Variants in LPP observed in about 807,000 individuals in gnomAD.
The protein encoded by LPP is lipoma-preferred partner.
LPP carries 38 observed loss-of-function variants against 60.4 expected under a neutral mutation model. The observed-to-expected ratio is 0.63, with a 90% CI of 0.49 to 0.83. The LOEUF (loss-of-function observed/expected upper bound fraction) is 0.83. LPP is among the 40% of genes least tolerant of loss of function. The probability of loss-of-function intolerance (pLI) is 0.00; values close to 1 mark genes in which losing one functional copy is unlikely to be tolerated. For missense variants in LPP, 902 were observed against 783.6 expected, an observed-to-expected ratio of 1.15 and a Z score of -1.80; for synonymous variants, 328 against 290.8, an observed-to-expected ratio of 1.13 and a Z score of -1.30.
At chr3:188,244,668 TG>T (rs533844922) in intron 2 of LPP, among the ~76,000 whole-genome samples, 67 of 152,174 alleles carry the variant, frequency 4.4e-4, no homozygotes, top group Non-Finnish European at 8.7e-4. Context: ...AAAGTATGAT[TG>T]TTTGTTGTAG....
At chr3:188,857,151 G>T (rs1323683228) in intron 9 of LPP, among the ~76,000 whole-genome samples, 1 of 152,124 alleles carries the variant, frequency 6.6e-6, no homozygotes, top group Non-Finnish European at 1.5e-5. Flanking sequence ...AGGCAAATCA[G>T]CTTCACAAAA....
intron 7 of LPP, among the ~76,000 whole-genome samples, chr3:188,627,779 C>T (rs911827490): frequency 1.3e-5 from 2 of 152,112 alleles, no homozygotes; most frequent in South Asian, 4.1e-4. Context: ...GAGACATCTA[C>T]AGAATATTTC....
intron 7 of LPP, among the ~76,000 whole-genome samples, chr3:188,653,829 G>A (rs146448033): frequency 0.013 from 1,928 of 152,244 alleles, 32 homozygotes; most frequent in Non-Finnish European, 0.014. Context: ...AGATTGGCTA[G>A]GATCTGCTTA....
At chr3:188,365,948 A>C (rs1771030163) in intron 3 of LPP, among the ~76,000 whole-genome samples, 1 of 152,152 alleles carries the variant, frequency 6.6e-6, no homozygotes, top group Non-Finnish European at 1.5e-5. Context: ...CAAGTGTACA[A>C]TACAGTATTA....
chr3:188,477,350 G>A (rs758423683), intron 4 of LPP, among the ~76,000 whole-genome samples: 6 of 152,210 alleles, frequency 3.9e-5, no homozygotes, highest in Non-Finnish European at 7.3e-5. Flanking sequence ...AGCTGGATCA[G>A]TCAAATTAAT....
chr3:188,884,881 CA>C lies in LPP; in HGVS notation c.*10405del. ...TCCATGAGCTAACAATGTCTGAAAA[CA>C]AATGTTATGGAACTGTTGGCATTTC... is the stretch of plus-strand genomic sequence containing the variant. On this transcript the variant is annotated 3_prime_UTR_variant, in exon 12 of 12. Coordinates refer to ENST00000617246, the MANE Select transcript of LPP (RefSeq NM_001375462.1). The C allele has an allele frequency of 4.4e-6, 1 of 224,756 alleles. No homozygotes were observed. 13.9% of individuals were successfully genotyped at this position (224,756 alleles called of 1,614,324 possible). A position where few individuals can be genotyped will look rare whatever the true frequency, so the allele number is the denominator to read the frequency against.
chr3:188,297,922 A>G lies in LPP; in HGVS notation c.-66-43741A>G, dbSNP rs147843796. Among the ~76,000 whole-genome samples, 379 of 152,324 alleles carry G rather than the reference A, an allele frequency of 2.5e-3. 2 individuals are homozygous for G. The highest frequency in any genetic ancestry group is 0.011 in the South Asian group (53 of 4,824). ...ATGTAGTAGCCATGATGGATTATGT[A>G]TCTTTGAATTGGGAGCCTATGACAA... On this transcript the variant is annotated intron_variant, in intron 2 of 11. Transcript: ENST00000617246.
intron 3 of LPP, among the ~76,000 whole-genome samples, chr3:188,346,507 AC>A (rs1301506922): frequency 1.3e-5 from 2 of 149,048 alleles, no homozygotes; most frequent in African/African-American, 5.0e-5. Flanking sequence ...TCAGGAGTCC[AC>A]CCGCCTCGGC....
chr3:188,862,085 C>T (rs1765327804), intron 9 of LPP, among the ~76,000 whole-genome samples: 1 of 152,182 alleles, frequency 6.6e-6, no homozygotes, highest in Non-Finnish European at 1.5e-5. Flanking sequence ...GGCAAGGATG[C>T]TTACTATTGT....
At chr3:188,207,057 T>C (rs905478010) in intron 1 of LPP, among the ~76,000 whole-genome samples, 18 of 151,476 alleles carry the variant, frequency 1.2e-4, no homozygotes, top group African/African-American at 4.1e-4. Context: ...AGGAACACTC[T>C]GCTTTTATTA....
chr3:188,360,320 A>G (rs150545164), intron 3 of LPP, among the ~76,000 whole-genome samples: 114 of 152,282 alleles, frequency 7.5e-4, no homozygotes, highest in Non-Finnish European at 1.4e-3. Flanking sequence ...GCTTATGTTT[A>G]TTAGCACTTC....
rs550644305 is a variant in LPP at position 188,263,316 on chromosome 3, T to A, written c.-67+37789T>A. ...AGTTGATTCATCACTTAAGCGCTAA[T>A]CCATTCACCAGCTCCAGTCAGACTT... On this transcript the variant is annotated intron_variant, in intron 2 of 11. Transcript: ENST00000617246. 3.3e-5 allele frequency among the ~76,000 whole-genome samples: 5 copies of A among 152,312 alleles called. No homozygotes were observed. The South Asian group carries it at 1.0e-3, about 32-fold the overall frequency.
chr3:188,500,676 A>G (rs1811564546), intron 5 of LPP, among the ~76,000 whole-genome samples: 1 of 152,160 alleles, frequency 6.6e-6, no homozygotes, highest in Non-Finnish European at 1.5e-5. Flanking sequence ...TAGTGAAGCC[A>G]TGGTTCCAGA....
At chr3:188,452,669 A>G (rs1029508354) in intron 4 of LPP, among the ~76,000 whole-genome samples, 1 of 152,160 alleles carries the variant, frequency 6.6e-6, no homozygotes, top group Non-Finnish European at 1.5e-5. Flanking sequence ...AAGTCTTGAG[A>G]GAAGAATGAC....
rs575479098 is a variant in LPP at position 188,473,984 on chromosome 3, C to G, written c.194-10608C>G. Among the ~76,000 whole-genome samples the G allele has an allele frequency of 1.1e-4, 16 of 152,224 alleles. No individual in the cohort carries two copies. The South Asian group carries it at 3.1e-3, about 30-fold the overall frequency. On this transcript the variant is annotated intron_variant, in intron 4 of 11. Coordinates refer to ENST00000617246, the MANE Select transcript of LPP (RefSeq NM_001375462.1). ...ACAAACAAAAAACCTAGCTAGATGG[C>G]TACATTAAGACAGGTTATTAACTGT...
intron 9 of LPP, among the ~76,000 whole-genome samples, chr3:188,800,791 T>A (rs1446037560): frequency 6.6e-6 from 1 of 152,210 alleles, no homozygotes; most frequent in Admixed American, 6.5e-5. Flanking sequence ...TTTTTATGAT[T>A]TTTGGTGGAT....
chr3:188,851,002 G>A (rs1260536536), intron 9 of LPP, among the ~76,000 whole-genome samples: 1 of 152,204 alleles, frequency 6.6e-6, no homozygotes, highest in Admixed American at 6.5e-5. Context: ...GTCTGGAGAG[G>A]ACAGAAGTAG....
intron 1 of LPP, among the ~76,000 whole-genome samples, chr3:188,171,617 T>C (rs1205094001): frequency 6.6e-6 from 1 of 152,244 alleles, no homozygotes; most frequent in African/African-American, 2.4e-5. Context: ...TGGAATCATA[T>C]TGTTGTTCCA....
chr3:188,432,192 A>G (rs879530328), intron 4 of LPP, among the ~76,000 whole-genome samples: 1 of 152,184 alleles, frequency 6.6e-6, no homozygotes, highest in Non-Finnish European at 1.5e-5. Context: ...CATGACTTAC[A>G]AAGAATGGAT....
Sources: gnomAD v4.1 joint callset for allele counts (sites outside exome capture counted in the v4.1 genomes callset) on GRCh38, gnomAD v4.1.1 for gene constraint, MANE v1.5 for transcripts, NCBI Gene and HGNC (gene_info 2026-07-23, HGNC 2026-07-21) for gene names.